The following CTNNA3 variants were observed in gnomAD, a reference collection of about 807,000 sequenced individuals.
CTNNA3 encodes catenin alpha-3.
A neutral mutation model predicts 95.7 loss-of-function variants in CTNNA3; 76 were observed. That is an observed-to-expected ratio of 0.79 (90% CI 0.66 to 0.96). CTNNA3 has a LOEUF of 0.96. Ranked by LOEUF, CTNNA3 falls within the 40% of genes least tolerant of loss-of-function variation. The probability of loss-of-function intolerance (pLI) is 0.00; values close to 1 mark genes in which losing one functional copy is unlikely to be tolerated. For synonymous variants in CTNNA3, 431 were observed against 374.4 expected (o/e 1.15, Z -1.74); for missense variants, 1,191 against 1,089.8 (o/e 1.09, Z -1.31).
chr10:66,539,488 A>G (rs919843389), intron 10 of CTNNA3, among the ~76,000 whole-genome samples: 2 of 152,132 alleles, frequency 1.3e-5, no homozygotes, highest in African/African-American at 4.8e-5. Flanking sequence ...TGTGAAATCC[A>G]ACAGACTTTA....
intron 13 of CTNNA3, among the ~76,000 whole-genome samples, chr10:66,207,516 T>C (rs969673403): frequency 3.3e-5 from 5 of 152,050 alleles, no homozygotes; most frequent in Non-Finnish European, 7.4e-5. Flanking sequence ...CCAAGCATTA[T>C]CCATGTCTTA....
At chr10:66,786,444 C>T (rs1340261900) in intron 7 of CTNNA3, among the ~76,000 whole-genome samples, 2 of 152,190 alleles carry the variant, frequency 1.3e-5, no homozygotes, top group African/African-American at 2.4e-5. Flanking sequence ...CTTTCAACTG[C>T]TGGTTTCCTA....
chr10:66,112,317 A>G (rs2082150823), intron 13 of CTNNA3, among the ~76,000 whole-genome samples: 2 of 152,186 alleles, frequency 1.3e-5, no homozygotes, highest in African/African-American at 4.8e-5. Context: ...GAATAAATGA[A>G]GATGCAAATA....
intron 7 of CTNNA3, among the ~76,000 whole-genome samples, chr10:66,802,967 T>C (rs542652263): frequency 1.3e-5 from 2 of 152,006 alleles, no homozygotes; most frequent in East Asian, 3.9e-4. Context: ...GTGTATAAGA[T>C]TTGACTGTAA....
At chr10:66,309,946 TAAATAA>T (rs1490792356) in intron 12 of CTNNA3, among the ~76,000 whole-genome samples, 2,858 of 111,298 alleles carry the variant, frequency 0.026, 109 homozygotes, top group African/African-American at 0.089. Flanking sequence ...AATAAATAAA[TAAATAA>T]ATAAAATAAA....
intron 5 of CTNNA3, among the ~76,000 whole-genome samples, chr10:67,265,411 C>A (rs1866780601): frequency 6.6e-6 from 1 of 152,108 alleles, no homozygotes; most frequent in Non-Finnish European, 1.5e-5. Context: ...ATGAGATTTT[C>A]AGCATATTTG....
At chr10:67,647,034 T>C (rs1839733614) in intron 2 of CTNNA3, among the ~76,000 whole-genome samples, 1 of 151,794 alleles carries the variant, frequency 6.6e-6, no homozygotes. Flanking sequence ...TGAAATTCTC[T>C]AGGCCTCAGT....
intron 10 of CTNNA3, among the ~76,000 whole-genome samples, chr10:66,613,214 A>G (rs1368515982): frequency 1.3e-5 from 2 of 151,874 alleles, no homozygotes; most frequent in East Asian, 3.9e-4. Context: ...CCACTTTCCC[A>G]CTTGAGTTTG....
chr10:67,702,769 C>G (rs1319110834), intron 1 of CTNNA3, among the ~76,000 whole-genome samples: 3 of 152,114 alleles, frequency 2.0e-5, no homozygotes, highest in Non-Finnish European at 4.4e-5. Flanking sequence ...CAAGAAATAA[C>G]TAAGATCAGA....
Position 66,053,014 on chromosome 10 carries a change from C to T in CTNNA3, c.2159+16294G>A, listed in dbSNP as rs1462170658. The stretch of plus-strand genomic sequence containing the variant: ...AAGTACTGTAGAAGACCAAATAAAT[C>T]CAAACTACTCTAACTAAGAGTTCTT... On this transcript the variant is annotated intron_variant, in intron 15 of 17. Coordinates refer to ENST00000433211, the MANE Select transcript of CTNNA3 (RefSeq NM_013266.4). 2.0e-5 allele frequency among the ~76,000 whole-genome samples: 3 copies of T among 151,946 alleles called. No individual in the cohort carries two copies. In the East Asian group the frequency reaches 5.8e-4, roughly 29 times the overall value.
intron 5 of CTNNA3, among the ~76,000 whole-genome samples, chr10:67,260,426 C>A (rs1866551545): frequency 6.6e-6 from 1 of 152,164 alleles, no homozygotes; most frequent in Non-Finnish European, 1.5e-5. Flanking sequence ...AAAATAGTTT[C>A]TCCACAAAAT....
chr10:66,475,019 T>C (rs768202543), intron 11 of CTNNA3, among the ~76,000 whole-genome samples: 5 of 152,038 alleles, frequency 3.3e-5, no homozygotes, highest in Non-Finnish European at 5.9e-5. Flanking sequence ...CTGTAGGTTG[T>C]CTCCTTATTC....
At position 66,927,966 on chromosome 10, in the gene CTNNA3, T is replaced by C. The variant is rs1847165954; in HGVS notation, c.1048-152442A>G. On this transcript the variant is annotated intron_variant, in intron 7 of 17. Transcript: ENST00000433211. The surrounding 1 kb of genome is among the most constrained non-coding windows in gnomAD (Gnocchi z 4.7). The stretch of plus-strand genomic sequence containing the variant: ...GTCCCAAAGAGCTGCAAGGAGTAAA[T>C]GTGATCGATGCAGTGAAGAACTACA... 1 of 1,614,120 alleles carries C rather than the reference T, an allele frequency of 6.2e-7. No individual in the cohort carries two copies. The highest frequency in any genetic ancestry group is 8.5e-7 in the Non-Finnish European group (1 of 1,180,028).
intron 1 of CTNNA3, among the ~76,000 whole-genome samples, chr10:67,725,924 T>A (rs1194563052): frequency 7.1e-6 from 1 of 141,340 alleles, no homozygotes; most frequent in Non-Finnish European, 1.5e-5. Context: ...GTACATAATA[T>A]ATAATTATAT....
At chr10:66,000,642 T>G (rs1357053517) in intron 15 of CTNNA3, among the ~76,000 whole-genome samples, 1 of 152,176 alleles carries the variant, frequency 6.6e-6, no homozygotes, top group Non-Finnish European at 1.5e-5. Context: ...AGCGGTTGAT[T>G]TTATAGATGA....
At chr10:66,624,160 G>T (rs1033843367) in intron 9 of CTNNA3, among the ~76,000 whole-genome samples, 2 of 152,064 alleles carry the variant, frequency 1.3e-5, no homozygotes, top group Non-Finnish European at 2.9e-5. Flanking sequence ...GGGAGTTTTT[G>T]GAGACAAACA....
intron 7 of CTNNA3, chr10:66,926,717 C>T (rs1319588593): frequency 5.2e-6 from 6 of 1,143,370 alleles, no homozygotes; most frequent in Admixed American, 2.3e-5. Flanking sequence ...AATTTATTTG[C>T]TTAGTGGCAT....
chr10:67,598,361 T>A, intron 3 of CTNNA3, among the ~76,000 whole-genome samples: 1 of 152,068 alleles, frequency 6.6e-6, no homozygotes, highest in Admixed American at 6.6e-5. Flanking sequence ...ATTTAACTCA[T>A]CCCTTCCCTG....
At chr10:67,367,603 G>A (rs908230424) in intron 5 of CTNNA3, among the ~76,000 whole-genome samples, 1 of 152,100 alleles carries the variant, frequency 6.6e-6, no homozygotes, top group African/African-American at 2.4e-5. Flanking sequence ...CAACCAAAAA[G>A]ACACACACAC....
Sources: gnomAD v4.1 joint callset for allele counts (sites outside exome capture counted in the v4.1 genomes callset) on GRCh38, gnomAD v4.1.1 for gene constraint, Gnocchi (gnomAD v3.1) non-coding constraint, MANE v1.5 for transcripts, NCBI Gene and HGNC (gene_info 2026-07-23, HGNC 2026-07-21) for gene names.